Variants in ZNF799 observed in about 807,000 individuals in gnomAD.
The protein encoded by ZNF799 is zinc finger protein 799, also known as zinc finger protein 14.
In ZNF799, 28 loss-of-function variants were observed where a neutral mutation model predicts 41.0. The ratio of observed to expected loss-of-function variants is 0.68; its 90% CI spans 0.51 to 0.94. ZNF799 has a LOEUF of 0.94. Ranked by LOEUF, ZNF799 falls within the 40% of genes least tolerant of loss-of-function variation. ZNF799 has a pLI of 0.00. For missense variants in ZNF799, 716 were observed against 764.3 expected (o/e 0.94, Z 0.74); for synonymous variants, 213 against 252.9 (o/e 0.84, Z 1.50).
At position 12,392,085 on chromosome 19, in the gene ZNF799, T is replaced by C. The variant is rs537834472; in HGVS notation, c.313A>G (p.Ser105Gly). ...ATGATGACTTCTCCACTCATACGGC[T>C]TTCATATGGACCTACTCCAGGAAGA... ...NTLPGVGPYE[S>G]RMSGEVIMGH... Residue 105 changes from serine to glycine, a missense_variant, in exon 4 of 4, where the codon AGC becomes GGC. Around this residue, in one of 2 missense-constraint regions of ZNF799, gnomAD observed 698 missense variants for 713.6 expected, o/e 0.98. Coordinates refer to ENST00000430385, the MANE Select transcript of ZNF799 (RefSeq NM_001080821.3). 13 of 1,614,234 alleles carry C rather than the reference T, an allele frequency of 8.1e-6. No homozygotes were observed. In the South Asian group the frequency reaches 1.3e-4, roughly 16 times the overall value.
chr19:12,402,418 T>TTC (rs1201952306), upstream of ZNF799, among the ~76,000 whole-genome samples: 2 of 147,486 alleles, frequency 1.4e-5, no homozygotes, highest in South Asian at 2.1e-4. Context: ...CTTTATTTCT[T>TTC]TTTTTTTTTT....
intron 2 of ZNF799, 25 bp from the exon 3 acceptor site, chr19:12,392,688 A>C (rs1374078776): frequency 6.4e-7 from 1 of 1,569,714 alleles, no homozygotes. Flanking sequence ...CAGAAAAATC[A>C]TTACAAATTT....
chr19:12,413,949 G>A, the ZNF799 span, among the ~76,000 whole-genome samples: 1 of 152,208 alleles, frequency 6.6e-6, no homozygotes, highest in Non-Finnish European at 1.5e-5. Flanking sequence ...CCTAGGCCGT[G>A]CACACGCACC....
chr19:12,404,053 T>A (rs769000659), upstream of ZNF799, among the ~76,000 whole-genome samples: 1 of 152,252 alleles, frequency 6.6e-6, no homozygotes, highest in Non-Finnish European at 1.5e-5. Context: ...TATGTTTGTA[T>A]GGTTTCCAGA....
intron 1 of ZNF799, among the ~76,000 whole-genome samples, chr19:12,400,017 A>G (rs1442263202): frequency 6.6e-6 from 1 of 152,178 alleles, no homozygotes; most frequent in African/African-American, 2.4e-5. Flanking sequence ...AAACTAGTGA[A>G]ATATCGCCTG....
upstream of ZNF799, among the ~76,000 whole-genome samples, chr19:12,405,935 G>T (rs951409345): frequency 6.6e-6 from 1 of 152,096 alleles, no homozygotes; most frequent in South Asian, 2.1e-4. Flanking sequence ...AGCACTTTGG[G>T]AGGCCGAGGG....
the ZNF799 span, among the ~76,000 whole-genome samples, chr19:12,413,232 C>A: frequency 6.6e-6 from 1 of 152,102 alleles, no homozygotes. Context: ...TGTATGTTGT[C>A]ATGTGTAACC....
At position 12,391,244 on chromosome 19, in the gene ZNF799, G is replaced by A. The variant is rs759253785; in HGVS notation, c.1154C>T (p.Thr385Ile). Residue 385 changes from threonine (T) to isoleucine (I), a missense_variant, in exon 4 of 4, where the codon ACA becomes ATA. This residue lies in a region of ZNF799 where 698 missense variants were observed against 713.6 expected (regional missense o/e 0.98). Coordinates refer to ENST00000430385, the MANE Select transcript of ZNF799 (RefSeq NM_001080821.3). ...SHSSSFRRHM[T>I]MHTGDGPHKC... is the part of the protein sequence containing the mutation. Reference sequence around the variant, plus strand: ...GTGAGGTCCATCTCCAGTGTGCATTGTCATGTGTCTTCGAAAGCTTGAGCT... The same window carrying A: ...GTGAGGTCCATCTCCAGTGTGCATTATCATGTGTCTTCGAAAGCTTGAGCT... The A allele has an allele frequency of 4.3e-6, 7 of 1,613,906 alleles. No homozygotes were observed. The African/African-American group carries it at 9.3e-5, about 22-fold the overall frequency.
intron 1 of ZNF799, chr19:12,394,835 C>T: frequency 1.0e-6 from 1 of 985,208 alleles, no homozygotes; most frequent in Non-Finnish European, 1.2e-6. Flanking sequence ...GCCTTCTCAC[C>T]AAGAAAGTGC....
At chr19:12,397,483 T>G (rs1969912036) in intron 1 of ZNF799, among the ~76,000 whole-genome samples, 1 of 150,188 alleles carries the variant, frequency 6.7e-6, no homozygotes, top group Admixed American at 6.7e-5. Context: ...GAGGATCTCC[T>G]GAGCCCAGGA....
At chr19:12,398,914 G>A (rs957389907) in intron 1 of ZNF799, among the ~76,000 whole-genome samples, 2 of 151,928 alleles carry the variant, frequency 1.3e-5, no homozygotes, top group African/African-American at 4.8e-5. Context: ...ATAAATAAAG[G>A]TTTTTAAAAA....
intron 1 of ZNF799, among the ~76,000 whole-genome samples, chr19:12,399,322 T>C (rs1472389845): frequency 6.6e-6 from 1 of 152,134 alleles, no homozygotes; most frequent in Admixed American, 6.5e-5. Context: ...AGTCCTTAGA[T>C]ATAACTTTCT....
intron 1 of ZNF799, chr19:12,394,655 AG>A: frequency 1.0e-6 from 1 of 985,468 alleles, no homozygotes; most frequent in Non-Finnish European, 1.2e-6. Context: ...GTAACGCCAA[AG>A]GGGAAAGAAA....
intron 1 of ZNF799, among the ~76,000 whole-genome samples, chr19:12,397,106 G>A (rs1969906896): frequency 6.6e-6 from 1 of 152,212 alleles, no homozygotes. Flanking sequence ...TAGGGCAAAT[G>A]GATGACGGTG....
chr19:12,390,371 T>A lies in ZNF799; in HGVS notation c.*95A>T, dbSNP rs1969788464. Reference sequence around the variant, plus strand: ...TTAAGGTTTTACCAAGTGCTTACATTCACAGGGTCTATCTCCAATGTGTTT... The same window carrying A: ...TTAAGGTTTTACCAAGTGCTTACATACACAGGGTCTATCTCCAATGTGTTT... On this transcript the variant is annotated 3_prime_UTR_variant, in exon 4 of 4. Transcript: ENST00000430385. 3 of 1,590,626 alleles carry A rather than the reference T, an allele frequency of 1.9e-6. No homozygotes were observed. Among genetic ancestry groups the A allele is most frequent in the Admixed American group, 1.8e-5 (1 of 56,370 alleles).
At chr19:12,407,556 A>T in the ZNF799 span, among the ~76,000 whole-genome samples, 1 of 152,198 alleles carries the variant, frequency 6.6e-6, no homozygotes, top group African/African-American at 2.4e-5. Flanking sequence ...ATACAAACAT[A>T]CATATGCAAA....
upstream of ZNF799, among the ~76,000 whole-genome samples, chr19:12,405,047 C>T (rs534186242): frequency 2.6e-5 from 4 of 152,212 alleles, no homozygotes; most frequent in African/African-American, 9.6e-5. Flanking sequence ...AGAGACTGGC[C>T]TAGCCTCCCA....
Position 12,401,228 on chromosome 19 carries a change from G to C in ZNF799, c.-158C>G. ...CAGGTGGGTGGAGAAGACGCCGCGGGCTTTTTCAACCACACACTCCTCTGG... is the reference window on the plus strand; with the variant it reads ...CAGGTGGGTGGAGAAGACGCCGCGGCCTTTTTCAACCACACACTCCTCTGG... On this transcript the variant is annotated 5_prime_UTR_variant, in exon 1 of 4. Transcript: ENST00000430385. 6.8e-7 allele frequency: 1 copy of C among 1,478,836 alleles called. No individual in the cohort carries two copies. Among genetic ancestry groups the C allele is most frequent in the South Asian group, 1.3e-5 (1 of 77,114 alleles). The allele number at this position is 1,478,836 out of a possible 1,614,324, so 91.6% of individuals were successfully genotyped here. A position where few individuals can be genotyped will look rare whatever the true frequency, so the allele number is the denominator to read the frequency against.
chr19:12,414,939 T>C, the ZNF799 span, among the ~76,000 whole-genome samples: 1 of 152,134 alleles, frequency 6.6e-6, no homozygotes. Context: ...AAACACTCCT[T>C]TCTTCAACAC....
Sources: allele counts gnomAD v4.1 joint callset (sites outside exome capture counted in the v4.1 genomes callset), GRCh38; gene constraint gnomAD v4.1.1; regional missense constraint gnomAD v4.1.1; transcripts MANE v1.5; gene names NCBI Gene and HGNC (gene_info 2026-07-23, HGNC 2026-07-21).